Variants in FGF10 observed in about 807,000 individuals in gnomAD.
FGF10 encodes the protein fibroblast growth factor 10, also known as FGF-10.
Under a neutral mutation model 19.8 loss-of-function variants are expected in FGF10, and 2 were observed. The ratio of observed to expected loss-of-function variants is 0.10; its 90% CI spans 0.04 to 0.32. FGF10 has a LOEUF of 0.32. FGF10 is among the 10% of genes least tolerant of loss of function. The pLI, the probability that FGF10 is intolerant of heterozygous loss-of-function variation, is 1.00. For missense variants in FGF10, 191 were observed against 246.3 expected, an observed-to-expected ratio of 0.78 and a Z score of 1.50; for synonymous variants, 112 against 94.0, an observed-to-expected ratio of 1.19 and a Z score of -1.10.
chr5:44,305,705 A>G (rs927094206), intron 2 of FGF10, among the ~76,000 whole-genome samples: 1 of 152,144 alleles, frequency 6.6e-6, no homozygotes, highest in Non-Finnish European at 1.5e-5. Flanking sequence ...CAAAACCACA[A>G]TAGTTCTGCA....
At chr5:44,379,987 C>T (rs932318217) in intron 1 of FGF10, among the ~76,000 whole-genome samples, 1 of 152,144 alleles carries the variant, frequency 6.6e-6, no homozygotes, top group African/African-American at 2.4e-5. Flanking sequence ...TTTTGTTCAT[C>T]AAGTTTTTAT....
chr5:44,331,183 A>G (rs1045364796), intron 1 of FGF10, among the ~76,000 whole-genome samples: 2 of 152,176 alleles, frequency 1.3e-5, no homozygotes, highest in Non-Finnish European at 2.9e-5. Flanking sequence ...CCTTTTGTCC[A>G]GATACAAATT....
chr5:44,360,536 G>T (rs2111851676), intron 1 of FGF10, among the ~76,000 whole-genome samples: 2 of 151,656 alleles, frequency 1.3e-5, no homozygotes, highest in Middle Eastern at 3.4e-3. Flanking sequence ...TAGACTACAG[G>T]CTTCCTTCAA....
chr5:44,317,809 T>C (rs1740383971), intron 1 of FGF10, among the ~76,000 whole-genome samples: 1 of 152,126 alleles, frequency 6.6e-6, no homozygotes, highest in Non-Finnish European at 1.5e-5. Context: ...TAATTACTTA[T>C]CAATATTGTA....
chr5:44,332,506 TAA>T (rs1427426337), intron 1 of FGF10, among the ~76,000 whole-genome samples: 2 of 152,180 alleles, frequency 1.3e-5, no homozygotes, highest in African/African-American at 4.8e-5. Flanking sequence ...GAGTGGTTCT[TAA>T]AAGAGCTTTT....
At chr5:44,368,592 C>CT (rs1234187154) in intron 1 of FGF10, among the ~76,000 whole-genome samples, 1 of 152,018 alleles carries the variant, frequency 6.6e-6, no homozygotes, top group African/African-American at 2.4e-5. Flanking sequence ...ACTTTGAAGC[C>CT]TTTGATATGA....
At chr5:44,354,406 C>CTA (rs1741300800) in intron 1 of FGF10, among the ~76,000 whole-genome samples, 1 of 151,358 alleles carries the variant, frequency 6.6e-6, no homozygotes, top group Admixed American at 6.6e-5. Context: ...ATAGTTAATA[C>CTA]TCTGTTATAT....
At chr5:44,351,088 C>T (rs1436121827) in intron 1 of FGF10, among the ~76,000 whole-genome samples, 1 of 151,238 alleles carries the variant, frequency 6.6e-6, no homozygotes, top group African/African-American at 2.4e-5. Context: ...TAAGTTTAGC[C>T]CGCATTAAAA....
At position 44,303,915 on chromosome 5, in the gene FGF10, G is replaced by A. The variant is rs1740016053; in HGVS notation, c.*1080C>T. 6.6e-6 allele frequency: 1 copy of A among 152,154 alleles called. No individual in the cohort carries two copies. The highest frequency in any genetic ancestry group is 2.1e-4 in the South Asian group (1 of 4,824). 9.4% of individuals were successfully genotyped at this position (152,154 alleles called of 1,614,324 possible). ...TCTTTACCGCCATGACATTTGGCAAGAAATCATGAGTAAATAATGAGGCTA... is the reference window on the plus strand; with the variant it reads ...TCTTTACCGCCATGACATTTGGCAAAAAATCATGAGTAAATAATGAGGCTA... On this transcript the variant is annotated 3_prime_UTR_variant, in exon 3 of 3. Transcript: ENST00000264664.
intron 2 of FGF10, among the ~76,000 whole-genome samples, chr5:44,306,767 T>C (rs1422632670): frequency 2.0e-5 from 3 of 152,206 alleles, no homozygotes; most frequent in Non-Finnish European, 4.4e-5. Context: ...AATGCTTCTC[T>C]TCTATAAAGT....
chr5:44,376,481 T>G (rs1419100700), intron 1 of FGF10, among the ~76,000 whole-genome samples: 1 of 17,980 alleles, frequency 5.6e-5, no homozygotes, highest in Non-Finnish European at 1.2e-4. Flanking sequence ...CAAGTTAGAA[T>G]ACAAATGCCA....
intron 1 of FGF10, among the ~76,000 whole-genome samples, chr5:44,343,728 C>A (rs1311699932): frequency 6.6e-6 from 1 of 151,916 alleles, no homozygotes; most frequent in East Asian, 1.9e-4. Context: ...TAGCATATAG[C>A]CACAATTTAA....
chr5:44,337,900 A>G (rs546255051), intron 1 of FGF10, among the ~76,000 whole-genome samples: 57 of 152,254 alleles, frequency 3.7e-4, no homozygotes, highest in Middle Eastern at 3.4e-3. Flanking sequence ...GAATTGTGCC[A>G]CTGCACTCCA....
At chr5:44,384,835 CT>C (rs1230985989) in intron 1 of FGF10, among the ~76,000 whole-genome samples, 1 of 152,048 alleles carries the variant, frequency 6.6e-6, no homozygotes, top group African/African-American at 2.4e-5. Context: ...GCCCAGGAGC[CT>C]TTTTTGTGAG....
intron 1 of FGF10, among the ~76,000 whole-genome samples, chr5:44,378,622 G>A (rs963960885): frequency 7.9e-5 from 12 of 152,048 alleles, no homozygotes; most frequent in Non-Finnish European, 1.2e-4. Flanking sequence ...TAGTAGAGAC[G>A]GGGTTTCACC....
chr5:44,385,990 GTTGA>G (rs1742088484), intron 1 of FGF10, among the ~76,000 whole-genome samples: 1 of 152,014 alleles, frequency 6.6e-6, no homozygotes, highest in African/African-American at 2.4e-5. Flanking sequence ...ACTGTTAACC[GTTGA>G]TTAAGATTGC....
At position 44,389,313 on chromosome 5, in the gene FGF10, CT is replaced by C; in HGVS notation, c.-632del. 6.3e-6 allele frequency: 1 copy of C among 157,928 alleles called. No individual in the cohort carries two copies. The highest frequency in any genetic ancestry group is 2.4e-5 in the African/African-American group (1 of 41,610). The allele number at this position is 157,928 out of a possible 1,614,324, so 9.8% of individuals were successfully genotyped here. On this transcript the variant is annotated 5_prime_UTR_variant, in exon 1 of 3. Coordinates refer to ENST00000264664, the MANE Select transcript of FGF10 (RefSeq NM_004465.2). ...CCGATTTGAAGGCTGCCGAAAGTCA[CT>C]TTTTGTTTTGGGGGACGGCGGCTGG...
chr5:44,305,220 T>A, intron 2 of FGF10, 28 bp from the exon 3 acceptor site: 3 of 1,593,804 alleles, frequency 1.9e-6, no homozygotes, highest in Middle Eastern at 1.7e-4. Flanking sequence ...AATCTTTTAT[T>A]CCTATGGTGA....
intron 1 of FGF10, among the ~76,000 whole-genome samples, chr5:44,314,971 C>G (rs1740302653): frequency 6.6e-6 from 1 of 151,738 alleles, no homozygotes; most frequent in African/African-American, 2.4e-5. Flanking sequence ...GTGCAAAATC[C>G]TTCTATCCAC....
Sources: gnomAD v4.1 joint callset for allele counts (sites outside exome capture counted in the v4.1 genomes callset) on GRCh38, gnomAD v4.1.1 for gene constraint, MANE v1.5 for transcripts, NCBI Gene and HGNC (gene_info 2026-07-23, HGNC 2026-07-21) for gene names.